The following PID1 variants were observed in gnomAD, a reference collection of about 807,000 sequenced individuals.
PID1 encodes the protein phosphotyrosine interaction domain containing 1.
In PID1, 10 loss-of-function variants were observed where a neutral mutation model predicts 19.1. That is an observed-to-expected ratio of 0.52 (90% CI 0.32 to 0.89). The LOEUF is 0.89. PID1 is among the 40% of genes least tolerant of loss of function. The pLI, the probability that PID1 is intolerant of heterozygous loss-of-function variation, is 0.03. For synonymous variants in PID1, 130 were observed against 116.0 expected (o/e 1.12, Z -0.78); for missense variants, 248 against 285.3 (o/e 0.87, Z 0.94).
chr2:229,252,552 G>A (rs1456553483), intron 1 of PID1, among the ~76,000 whole-genome samples: 1 of 152,168 alleles, frequency 6.6e-6, no homozygotes, highest in Non-Finnish European at 1.5e-5. Flanking sequence ...GGGTCAAGGA[G>A]TAAAGAGATC....
intron 1 of PID1, among the ~76,000 whole-genome samples, chr2:229,258,519 A>C (rs149594226): frequency 1.4e-4 from 21 of 152,330 alleles, no homozygotes; most frequent in African/African-American, 4.8e-4. Flanking sequence ...ATCTAGCACT[A>C]TGCCTGGCAA....
chr2:229,131,238 CT>C (rs576454587), intron 2 of PID1, among the ~76,000 whole-genome samples: 28 of 147,500 alleles, frequency 1.9e-4, no homozygotes, highest in South Asian at 4.4e-4. Flanking sequence ...CTTTTCTTCT[CT>C]TTTTTTTTTG....
intron 1 of PID1, among the ~76,000 whole-genome samples, chr2:229,186,212 T>C (rs1409694175): frequency 6.6e-6 from 1 of 152,190 alleles, no homozygotes; most frequent in African/African-American, 2.4e-5. Flanking sequence ...GCTCCACCCC[T>C]GTGGCTTTGC....
chr2:229,089,733 G>A (rs1212625634), intron 2 of PID1, among the ~76,000 whole-genome samples: 2 of 152,160 alleles, frequency 1.3e-5, no homozygotes, highest in Admixed American at 6.6e-5. Context: ...TGTCTAGAAA[G>A]GGAGTCTTTG....
At chr2:229,083,306 C>T (rs1054007833) in intron 2 of PID1, among the ~76,000 whole-genome samples, 1 of 152,178 alleles carries the variant, frequency 6.6e-6, no homozygotes, top group Non-Finnish European at 1.5e-5. Flanking sequence ...CTGCCCAGCA[C>T]ACCTAGGCCA....
intron 1 of PID1, among the ~76,000 whole-genome samples, chr2:229,183,734 G>C (rs949635465): frequency 6.6e-5 from 10 of 151,756 alleles, no homozygotes; most frequent in African/African-American, 2.4e-4. Flanking sequence ...CAGGGTTTTG[G>C]ACCCAGACTG....
At chr2:229,117,172 G>A (rs1695427253) in intron 2 of PID1, among the ~76,000 whole-genome samples, 1 of 152,026 alleles carries the variant, frequency 6.6e-6, no homozygotes, top group Non-Finnish European at 1.5e-5. Context: ...CACATACCAA[G>A]GTTAGTATGC....
rs973343548 is a variant in PID1, at chr2:229,145,324, A to G, written c.177+10494T>C. Among the ~76,000 whole-genome samples, 7 of 151,642 alleles carry G rather than the reference A, an allele frequency of 4.6e-5. 1 individual carries two copies. Among genetic ancestry groups the G allele is most frequent in the Admixed American group, 2.0e-4 (3 of 15,192 alleles). On this transcript the variant is annotated intron_variant, in intron 2 of 2. Coordinates refer to ENST00000392055, the MANE Select transcript of PID1 (RefSeq NM_001100818.2). Reference sequence around the variant, plus strand: ...TTATACAATTTCCACTGGAAACCATAAGGCACATTATTAATGAATTTCTAC... The same window carrying G: ...TTATACAATTTCCACTGGAAACCATGAGGCACATTATTAATGAATTTCTAC...
At chr2:229,249,081 T>C (rs993867211) in intron 1 of PID1, among the ~76,000 whole-genome samples, 1 of 152,236 alleles carries the variant, frequency 6.6e-6, no homozygotes, top group Non-Finnish European at 1.5e-5. Flanking sequence ...TATTTTTAAT[T>C]AATTGCCATT....
chr2:229,025,934 T>C lies in PID1; in HGVS notation c.352A>G (p.Lys118Glu), dbSNP rs1574563792. The change falls in exon 3 of 3, where the codon AAA becomes GAA. Residue 118 changes from lysine to glutamate, a missense_variant. By Grantham distance (56) the Lys-to-Glu change is moderately conservative. Transcript: ENST00000392055. ...FQVWLHHLDH[K>E]GEATVHMDTF... ...TCCATGTGCACTGTGGCCTCCCCTT[T>C]GTGGTCGAGATGATGGAGCCAAACT... 1 of 1,614,022 alleles carries C rather than the reference T, an allele frequency of 6.2e-7. No individual in the cohort carries two copies. Among genetic ancestry groups the C allele is most frequent in the African/African-American group, 1.3e-5 (1 of 74,926 alleles).
At chr2:229,130,475 C>T (rs1007180392) in intron 2 of PID1, among the ~76,000 whole-genome samples, 11 of 152,192 alleles carry the variant, frequency 7.2e-5, no homozygotes, top group Non-Finnish European at 1.2e-4. Context: ...AAAACTACCA[C>T]ATGAGAGATA....
chr2:229,160,585 CATT>C (rs1330715954), intron 1 of PID1, among the ~76,000 whole-genome samples: 1 of 152,114 alleles, frequency 6.6e-6, no homozygotes, highest in African/African-American at 2.4e-5. Flanking sequence ...AGAAATAAAA[CATT>C]AGTCTCTGCT....
At chr2:229,240,573 A>G (rs974097258) in intron 1 of PID1, among the ~76,000 whole-genome samples, 2 of 152,130 alleles carry the variant, frequency 1.3e-5, no homozygotes, top group Non-Finnish European at 2.9e-5. Context: ...CTGATAAGTT[A>G]GTGAATATTC....
chr2:229,235,331 T>A (rs1025099142), intron 1 of PID1, among the ~76,000 whole-genome samples: 6 of 152,180 alleles, frequency 3.9e-5, no homozygotes, highest in Non-Finnish European at 8.8e-5. Context: ...GCCCACAGGC[T>A]GTGGTCCTGA....
At chr2:229,082,876 A>AAGAAAAAAAAAG in intron 2 of PID1, among the ~76,000 whole-genome samples, 1 of 152,214 alleles carries the variant, frequency 6.6e-6, no homozygotes, top group African/African-American at 2.4e-5. Context: ...CTGTGAGATA[A>AAGAAAAAAAAAG]CCAATGAGTG....
intron 2 of PID1, among the ~76,000 whole-genome samples, chr2:229,069,987 G>A (rs927879908): frequency 6.6e-6 from 1 of 152,188 alleles, no homozygotes; most frequent in Non-Finnish European, 1.5e-5. Flanking sequence ...CATCTGCATA[G>A]TATTTTACTT....
intron 1 of PID1, among the ~76,000 whole-genome samples, chr2:229,207,266 A>G (rs1318199775): frequency 1.3e-5 from 2 of 152,000 alleles, no homozygotes; most frequent in African/African-American, 4.8e-5. Context: ...AAGGACCTGG[A>G]TTTCAATCTT....
At chr2:229,146,108 CT>C (rs1690124403) in intron 2 of PID1, among the ~76,000 whole-genome samples, 2 of 152,248 alleles carry the variant, frequency 1.3e-5, no homozygotes, top group Admixed American at 1.3e-4. Context: ...TGAACTCATT[CT>C]TTTTTGTGGC....
At chr2:229,063,519 T>C (rs75014039) in intron 2 of PID1, among the ~76,000 whole-genome samples, 3,529 of 152,248 alleles carry the variant, frequency 0.023, 149 homozygotes, top group African/African-American at 0.082. Flanking sequence ...CTGAAATTTA[T>C]TGAAACTTGT....
Sources: gnomAD v4.1 joint callset for allele counts (sites outside exome capture counted in the v4.1 genomes callset) on GRCh38, gnomAD v4.1.1 for gene constraint, MANE v1.5 for transcripts, NCBI Gene and HGNC (gene_info 2026-07-23, HGNC 2026-07-21) for gene names.